The following SFMBT1 variants were observed in gnomAD, a reference collection of about 807,000 sequenced individuals.
The protein encoded by SFMBT1 is scm-like with four MBT domains protein 1.
In SFMBT1, 32 loss-of-function variants were observed where a neutral mutation model predicts 108.7. The ratio of observed to expected loss-of-function variants is 0.29; its 90% CI spans 0.22 to 0.40. The LOEUF is 0.40. Among genes scored for constraint, SFMBT1 ranks in the 10% least tolerant of loss-of-function variants. The probability of loss-of-function intolerance (pLI) is 1.00; values close to 1 mark genes in which losing one functional copy is unlikely to be tolerated. For missense variants in SFMBT1, 816 were observed against 1,059.6 expected (o/e 0.77, Z 3.19); for synonymous variants, 348 against 369.5 (o/e 0.94, Z 0.67).
intron 5 of SFMBT1, among the ~76,000 whole-genome samples, chr3:52,933,037 GA>G (rs1382045344): frequency 2.0e-5 from 3 of 152,084 alleles, no homozygotes; most frequent in African/African-American, 7.2e-5. Context: ...AGAACCACAA[GA>G]AACACTTTGG....
chr3:53,003,770 A>AG (rs1698640509), intron 1 of SFMBT1, among the ~76,000 whole-genome samples: 1 of 128,580 alleles, frequency 7.8e-6, no homozygotes, highest in African/African-American at 2.9e-5. Flanking sequence ...AAAAAAAAAA[A>AG]AAAAAGAAAA....
rs750153445 is a variant in SFMBT1 at position 52,969,123 on chromosome 3, G to A, written c.6C>T (p.Asn2=). M[N]GEQQLDADAG... ...TACCTGCATCAAGCTGCTGCTCCCCGTTCATTTCCACAGCATATAGGCAGG... is the reference window on the plus strand; with the variant it reads ...TACCTGCATCAAGCTGCTGCTCCCCATTCATTTCCACAGCATATAGGCAGG... The change falls in exon 2 of 21, where the codon AAC becomes AAT. Residue 2 remains asparagine (N), a synonymous_variant. Coordinates refer to ENST00000394752, the MANE Select transcript of SFMBT1 (RefSeq NM_016329.4). The A allele has an allele frequency of 7.4e-6, 12 of 1,613,808 alleles. No homozygotes were observed. The highest frequency in any genetic ancestry group is 1.1e-5 in the South Asian group (1 of 91,078).
intron 2 of SFMBT1, among the ~76,000 whole-genome samples, chr3:52,965,658 T>C (rs924499262): frequency 2.0e-5 from 3 of 152,006 alleles, no homozygotes; most frequent in Non-Finnish European, 2.9e-5. Context: ...GAAATCAACA[T>C]ATTCTCAAAT....
At chr3:52,992,888 T>C (rs558995979) in intron 1 of SFMBT1, among the ~76,000 whole-genome samples, 8 of 152,296 alleles carry the variant, frequency 5.3e-5, no homozygotes, top group Non-Finnish European at 8.8e-5. Context: ...TTCATCTTTC[T>C]CTATGATTTT....
In SFMBT1 at chr3:53,030,480, T is replaced by C. The variant is rs369684830; in HGVS notation, c.-131+15336A>G. Reference sequence around the variant, plus strand: ...TGTTTTAAAGGCGTACTTAAGTCTGTGATGATGATTTTAAAAAATAAAGCA... The same window carrying C: ...TGTTTTAAAGGCGTACTTAAGTCTGCGATGATGATTTTAAAAAATAAAGCA... On this transcript the variant is annotated intron_variant, in intron 1 of 20. Coordinates refer to ENST00000394752, the MANE Select transcript of SFMBT1 (RefSeq NM_016329.4). 2.0e-4 allele frequency among the ~76,000 whole-genome samples: 30 copies of C among 152,162 alleles called. No homozygotes were observed. The East Asian group carries it at 5.4e-3, about 27-fold the overall frequency.
At position 52,975,899 on chromosome 3, in the gene SFMBT1, A is replaced by G. The variant is rs144840197; in HGVS notation, c.-130-6641T>C. ...GCTGGGATTACAGGCATGAGCCACA[A>G]CGCAACCAGCCAGGAAGTTGGGAAT... On this transcript the variant is annotated intron_variant, in intron 1 of 20. Coordinates refer to ENST00000394752, the MANE Select transcript of SFMBT1 (RefSeq NM_016329.4). Among the ~76,000 whole-genome samples the G allele has an allele frequency of 1.2e-3, 177 of 152,174 alleles. 3 individuals carry two copies. In the East Asian group the frequency reaches 0.033, roughly 28 times the overall value.
intron 19 of SFMBT1, among the ~76,000 whole-genome samples, chr3:52,906,652 G>C (rs901044735): frequency 3.3e-5 from 5 of 152,146 alleles, no homozygotes; most frequent in Admixed American, 6.5e-5. Context: ...TTATACATAT[G>C]TTATAAAATG....
In SFMBT1 at chr3:53,024,747, G is replaced by A. The variant is rs1575445977; in HGVS notation, c.-131+21069C>T. Among the ~76,000 whole-genome samples, 4 of 152,238 alleles carry A rather than the reference G, an allele frequency of 2.6e-5. No homozygotes were observed. The South Asian group carries it at 8.3e-4, about 32-fold the overall frequency. On this transcript the variant is annotated intron_variant, in intron 1 of 20. Coordinates refer to ENST00000394752, the MANE Select transcript of SFMBT1 (RefSeq NM_016329.4). ...CCCATCTGGGCCTTAAAAAGTCAGGGGCCGGTCCAACAATCTCGCTGGAAA... is the reference window on the plus strand; with the variant it reads ...CCCATCTGGGCCTTAAAAAGTCAGGAGCCGGTCCAACAATCTCGCTGGAAA...
At chr3:52,917,588 G>A (rs1288016328) in intron 13 of SFMBT1, among the ~76,000 whole-genome samples, 1 of 152,144 alleles carries the variant, frequency 6.6e-6, no homozygotes, top group East Asian at 1.9e-4. Context: ...CAGGGCCACG[G>A]ACCAGTACCC....
intron 1 of SFMBT1, among the ~76,000 whole-genome samples, chr3:53,001,065 T>C (rs1264572121): frequency 1.3e-5 from 2 of 149,768 alleles, no homozygotes; most frequent in Non-Finnish European, 3.0e-5. Flanking sequence ...TGTTTGACAT[T>C]CTCCCTAACA....
At chr3:53,027,610 G>A (rs1243183509) in intron 1 of SFMBT1, among the ~76,000 whole-genome samples, 4 of 152,220 alleles carry the variant, frequency 2.6e-5, no homozygotes, top group Non-Finnish European at 4.4e-5. Context: ...CAGTGATTCA[G>A]TGCCTACCAT....
rs754014702 is a variant in SFMBT1 at position 52,926,031 on chromosome 3, C to A, written c.1131G>T (p.Pro377=). The change falls in exon 10 of 21, where the codon CCG becomes CCT. Residue 377 remains proline, a splice_region_variant and synonymous_variant. Coordinates refer to ENST00000394752, the MANE Select transcript of SFMBT1 (RefSeq NM_016329.4). The stretch of plus-strand genomic sequence containing the variant: ...GCCATGAGGCCGTGGGGGTCCTCAC[C>A]GGAGGGAAGCACCTCTGGGGAGCAG... The part of the protein sequence containing the change: ...AEAAPQRCFP[P]LISEHEFKEN... 3 of 1,605,968 alleles carry A rather than the reference C, an allele frequency of 1.9e-6. No individual in the cohort carries two copies. The highest frequency in any genetic ancestry group is 1.7e-5 in the Admixed American group (1 of 58,236).
chr3:52,917,441 C>A (rs1047364267), intron 13 of SFMBT1, among the ~76,000 whole-genome samples: 1 of 152,096 alleles, frequency 6.6e-6, no homozygotes, highest in African/African-American at 2.4e-5. Flanking sequence ...AAGGACACAG[C>A]CAGAAGACAG....
intron 2 of SFMBT1, among the ~76,000 whole-genome samples, chr3:52,962,917 A>G (rs532317725): frequency 2.0e-5 from 3 of 152,236 alleles, no homozygotes; most frequent in African/African-American, 7.2e-5. Flanking sequence ...AATAAATTAA[A>G]AAGTAATAAA....
intron 5 of SFMBT1, among the ~76,000 whole-genome samples, chr3:52,934,355 A>G (rs1299219717): frequency 4.6e-5 from 7 of 151,858 alleles, no homozygotes; most frequent in African/African-American, 1.7e-4. Context: ...ACAAGCTTAA[A>G]GGCCACACTA....
chr3:52,912,121 C>T (rs1702230436), intron 16 of SFMBT1, among the ~76,000 whole-genome samples: 2 of 152,122 alleles, frequency 1.3e-5, no homozygotes, highest in Admixed American at 1.3e-4. Flanking sequence ...GCTGAAAAAG[C>T]CCTGCCTAAG....
chr3:53,015,443 G>C (rs1199935681), intron 1 of SFMBT1, among the ~76,000 whole-genome samples: 1 of 152,112 alleles, frequency 6.6e-6, no homozygotes, highest in African/African-American at 2.4e-5. Flanking sequence ...ATATACCCAA[G>C]AGAAATGAAA....
chr3:52,984,756 G>C (rs1704846311), intron 1 of SFMBT1, among the ~76,000 whole-genome samples: 1 of 150,632 alleles, frequency 6.6e-6, no homozygotes, highest in South Asian at 2.1e-4. Context: ...GTGTGTGTGT[G>C]TGTGTGTGTG....
At chr3:52,950,150 T>C (rs1322135972) in intron 3 of SFMBT1, among the ~76,000 whole-genome samples, 1 of 151,992 alleles carries the variant, frequency 6.6e-6, no homozygotes, top group African/African-American at 2.4e-5. Flanking sequence ...GTGTTTTCTA[T>C]TTGTTGCCTT....
Sources: gnomAD v4.1 joint callset for allele counts (sites outside exome capture counted in the v4.1 genomes callset) on GRCh38, gnomAD v4.1.1 for gene constraint, MANE v1.5 for transcripts, NCBI Gene and HGNC (gene_info 2026-07-23, HGNC 2026-07-21) for gene names.